Variants in SRPK2 observed in about 807,000 individuals in gnomAD.
SRPK2 encodes SRSF protein kinase 2.
Under a neutral mutation model 90.8 loss-of-function variants are expected in SRPK2, and 21 were observed. That is an observed-to-expected ratio of 0.23 (90% CI 0.16 to 0.33). The LOEUF is 0.33. Among genes scored for constraint, SRPK2 ranks in the 10% least tolerant of loss-of-function variants. The pLI is 1.00. For missense variants in SRPK2, 620 were observed against 869.0 expected (o/e 0.71, Z 3.60); for synonymous variants, 288 against 311.1 (o/e 0.93, Z 0.78).
At chr7:105,297,327 A>ATCTGTG in intron 2 of SRPK2, 1 of 306,144 alleles carries the variant, frequency 3.3e-6, no homozygotes, top group Non-Finnish European at 4.8e-6. Flanking sequence ...ACAGACACAG[A>ATCTGTG]TCTGTGGTCC....
intron 2 of SRPK2, among the ~76,000 whole-genome samples, chr7:105,307,443 GA>G (rs1811262581): frequency 6.6e-6 from 1 of 152,202 alleles, no homozygotes; most frequent in Non-Finnish European, 1.5e-5. Context: ...CAGAATCACT[GA>G]CCAGCAGGAG....
chr7:105,299,201 C>A (rs1810225482), intron 2 of SRPK2, among the ~76,000 whole-genome samples: 1 of 152,220 alleles, frequency 6.6e-6, no homozygotes, highest in African/African-American at 2.4e-5. Context: ...GTCTCACCAT[C>A]CCAATCTGAA....
intron 2 of SRPK2, among the ~76,000 whole-genome samples, chr7:105,337,953 A>C (rs1815299727): frequency 6.6e-6 from 1 of 152,148 alleles, no homozygotes; most frequent in African/African-American, 2.4e-5. Context: ...AAGAAAAAAA[A>C]TGGAACAAAA....
At chr7:105,325,898 C>T (rs901485718) in intron 2 of SRPK2, among the ~76,000 whole-genome samples, 2 of 152,190 alleles carry the variant, frequency 1.3e-5, no homozygotes, top group African/African-American at 4.8e-5. Context: ...AAGCTACCAT[C>T]TGTGGGACTA....
At chr7:105,150,489 C>T (rs1195890353) in intron 7 of SRPK2, among the ~76,000 whole-genome samples, 3 of 152,244 alleles carry the variant, frequency 2.0e-5, no homozygotes, top group Non-Finnish European at 4.4e-5. Context: ...GCACTCCAAC[C>T]TAGGCGACAG....
At chr7:105,295,443 C>A (rs1303695984) in intron 2 of SRPK2, among the ~76,000 whole-genome samples, 2 of 152,034 alleles carry the variant, frequency 1.3e-5, no homozygotes, top group Admixed American at 1.3e-4. Context: ...TATAAACATA[C>A]AATGGAGTAT....
At chr7:105,335,773 G>C (rs966733694) in intron 2 of SRPK2, among the ~76,000 whole-genome samples, 1 of 151,612 alleles carries the variant, frequency 6.6e-6, no homozygotes, top group African/African-American at 2.4e-5. Context: ...GACCAACATG[G>C]AGAAACCCCG....
chr7:105,156,293 T>A (rs759646924), intron 7 of SRPK2, among the ~76,000 whole-genome samples: 3 of 152,242 alleles, frequency 2.0e-5, no homozygotes, highest in Non-Finnish European at 2.9e-5. Flanking sequence ...GGCAAGTTAC[T>A]TAACCTCTCT....
chr7:105,318,662 T>G (rs775612079), intron 2 of SRPK2, among the ~76,000 whole-genome samples: 1 of 152,172 alleles, frequency 6.6e-6, no homozygotes, highest in Non-Finnish European at 1.5e-5. Context: ...TAAGAGCAAA[T>G]AACTTCACTG....
chr7:105,251,314 AAC>A (rs535989875), intron 2 of SRPK2, among the ~76,000 whole-genome samples: 22 of 152,310 alleles, frequency 1.4e-4, no homozygotes, highest in African/African-American at 4.6e-4. Flanking sequence ...CATTTATTCA[AAC>A]ACAGACTGTC....
At position 105,279,899 on chromosome 7, in the gene SRPK2, T is replaced by G. The variant is rs1381210187; in HGVS notation, c.72-76114A>C. Reference sequence around the variant, plus strand: ...TTACCAAACTCAAGGTGAAACCCAATGCTGTGTTCAGCAGGAGGCCAAGTT... The same window carrying G: ...TTACCAAACTCAAGGTGAAACCCAAGGCTGTGTTCAGCAGGAGGCCAAGTT... On this transcript the variant is annotated intron_variant, in intron 2 of 15. Transcript: ENST00000393651. Among the ~76,000 whole-genome samples the G allele has an allele frequency of 3.3e-5, 5 of 152,362 alleles. No individual in the cohort carries two copies. The East Asian group carries it at 9.6e-4, about 29-fold the overall frequency.
At chr7:105,208,402 C>G (rs955153162) in intron 2 of SRPK2, among the ~76,000 whole-genome samples, 1 of 152,182 alleles carries the variant, frequency 6.6e-6, no homozygotes, top group African/African-American at 2.4e-5. Flanking sequence ...CGTCCCCTAA[C>G]TGATAAATAA....
chr7:105,167,219 T>C (rs1293861732), intron 6 of SRPK2, among the ~76,000 whole-genome samples, 158 bp downstream of exon 6: 2 of 152,222 alleles, frequency 1.3e-5, no homozygotes, highest in Admixed American at 6.5e-5. Context: ...CAAAAAGCCA[T>C]GAAAACTATT....
intron 2 of SRPK2, among the ~76,000 whole-genome samples, chr7:105,388,272 C>G (rs939443030): frequency 2.6e-5 from 4 of 151,734 alleles, no homozygotes; most frequent in Non-Finnish European, 5.9e-5. Context: ...CGGGCCGGAG[C>G]CCAGCGGCAG....
intron 7 of SRPK2, among the ~76,000 whole-genome samples, chr7:105,155,250 G>A (rs961421046): frequency 2.0e-5 from 3 of 152,184 alleles, no homozygotes; most frequent in African/African-American, 7.2e-5. Flanking sequence ...CCAAAGTGCA[G>A]GGATTACAGG....
chr7:105,283,185 T>C (rs144145676), intron 2 of SRPK2, among the ~76,000 whole-genome samples: 134 of 152,338 alleles, frequency 8.8e-4, no homozygotes, highest in African/African-American at 2.9e-3. Flanking sequence ...ACTTCAGGCA[T>C]GGCTGGTGGG....
chr7:105,377,657 G>A (rs762700565), intron 2 of SRPK2, among the ~76,000 whole-genome samples: 16 of 151,956 alleles, frequency 1.1e-4, no homozygotes, highest in Admixed American at 2.0e-4. Context: ...CTGAGATCGC[G>A]CCACCGCACT....
chr7:105,300,965 C>T (rs549497357), intron 2 of SRPK2, among the ~76,000 whole-genome samples: 1 of 152,258 alleles, frequency 6.6e-6, no homozygotes, highest in South Asian at 2.1e-4. Context: ...GTGGCGATTC[C>T]TCAAGGATCT....
At position 105,276,785 on chromosome 7, in the gene SRPK2, A is replaced by G. The variant is rs887137891; in HGVS notation, c.72-73000T>C. Among the ~76,000 whole-genome samples, 8 of 152,274 alleles carry G rather than the reference A, an allele frequency of 5.3e-5. No homozygotes were observed. In the East Asian group the frequency reaches 1.4e-3, roughly 26 times the overall value. ...GTTAAGGTTGCCTGAAATGACAGGG[A>G]ATACTGCAAGAATATACCTAGAAGT... On this transcript the variant is annotated intron_variant, in intron 2 of 15. Transcript: ENST00000393651.
Sources: gnomAD v4.1 joint callset for allele counts (sites outside exome capture counted in the v4.1 genomes callset) on GRCh38, gnomAD v4.1.1 for gene constraint, MANE v1.5 for transcripts, NCBI Gene and HGNC (gene_info 2026-07-23, HGNC 2026-07-21) for gene names.